ZFYVE26: variants seen among roughly 807,000 people sequenced by gnomAD.
The protein encoded by ZFYVE26 is zinc finger FYVE-type containing 26, also known as zinc finger FYVE domain-containing protein 26.
In ZFYVE26, 181 loss-of-function variants were observed where a neutral mutation model predicts 276.5. That is an observed-to-expected ratio of 0.65 (90% CI 0.58 to 0.74). ZFYVE26 has a LOEUF of 0.74. ZFYVE26 is among the 30% of genes least tolerant of loss of function. The probability of loss-of-function intolerance (pLI) is 0.00; values close to 1 mark genes in which losing one functional copy is unlikely to be tolerated. For missense variants in ZFYVE26, 2,821 were observed against 3,097.9 expected (o/e 0.91, Z 2.12); for synonymous variants, 1,129 against 1,203.1 (o/e 0.94, Z 1.27).
At chr14:67,810,188 G>C (rs1003423658) in intron 3 of ZFYVE26, among the ~76,000 whole-genome samples, 5 of 152,192 alleles carry the variant, frequency 3.3e-5, no homozygotes, top group African/African-American at 9.7e-5. Flanking sequence ...TCCAAGGTTT[G>C]TTCATTTCAT....
At chr14:67,790,974 A>C (rs1316601370) in intron 14 of ZFYVE26, among the ~76,000 whole-genome samples, 1 of 152,264 alleles carries the variant, frequency 6.6e-6, no homozygotes, top group Admixed American at 6.5e-5. Context: ...CCAAAGCCTC[A>C]GTAGAAAATA....
At chr14:67,788,840 G>A (rs376159427) in intron 16 of ZFYVE26, among the ~76,000 whole-genome samples, 18 of 152,280 alleles carry the variant, frequency 1.2e-4, no homozygotes, top group African/African-American at 4.3e-4. Flanking sequence ...GACAGGTGTG[G>A]GGAGTAGAAC....
intron 16 of ZFYVE26, among the ~76,000 whole-genome samples, chr14:67,788,222 C>T (rs1338299391): frequency 6.6e-6 from 1 of 152,134 alleles, no homozygotes; most frequent in Non-Finnish European, 1.5e-5. Context: ...AACCCAGTCT[C>T]TATTAAATAT....
At chr14:67,802,443 T>G (rs758317282) in intron 9 of ZFYVE26, among the ~76,000 whole-genome samples, 161 bp from the exon 10 acceptor site, 43 of 152,228 alleles carry the variant, frequency 2.8e-4, no homozygotes, top group Non-Finnish European at 5.7e-4. Context: ...CTAGGGCTTT[T>G]CCTCAAGTCA....
At position 67,748,083 on chromosome 14, in the gene ZFYVE26, C is replaced by G; in HGVS notation, c.*353G>C. ...AGAGTGGCAAGTCTAAAGTAAAGTG[C>G]CTCTTTTAAATGGAGAAGAGTTTCA... On this transcript the variant is annotated 3_prime_UTR_variant, in exon 42 of 42. Coordinates refer to ENST00000347230, the MANE Select transcript of ZFYVE26 (RefSeq NM_015346.4). 1 of 293,022 alleles carries G rather than the reference C, an allele frequency of 3.4e-6. No homozygotes were observed. The highest frequency in any genetic ancestry group is 6.5e-6 in the Non-Finnish European group (1 of 153,550). 18.2% of individuals were successfully genotyped at this position (293,022 alleles called of 1,614,324 possible).
In ZFYVE26 at chr14:67,806,560, G is replaced by C. The variant is rs762450935; in HGVS notation, c.1002C>G (p.Phe334Leu). 14 of 1,614,190 alleles carry C rather than the reference G, an allele frequency of 8.7e-6. No homozygotes were observed. Residue 334 changes from phenylalanine to leucine, a missense_variant, in exon 6 of 42, where the codon TTC becomes TTG. Physicochemically the swap from Phe to Leu is conservative, Grantham distance 22 (BLOSUM62 0). Coordinates refer to ENST00000347230, the MANE Select transcript of ZFYVE26 (RefSeq NM_015346.4). ...CTTGACTTACCAGAATCTGCTCGAG[G>C]AAGTGTTTGTTGTTGCTCAGGCAGT... Reference protein sequence around the residue: ...YFYCLSNNKHFLEQILVTALT... With the variant: ...YFYCLSNNKHLLEQILVTALT...
chr14:67,790,255 A>G (rs2039775481), intron 15 of ZFYVE26, among the ~76,000 whole-genome samples: 1 of 152,258 alleles, frequency 6.6e-6, no homozygotes, highest in Non-Finnish European at 1.5e-5. Context: ...GGAAGGAAAT[A>G]AACTCCTAAC....
chr14:67,742,838 C>CTTTTTTTTTTTTTTTTTTTTTTTTTTT (rs71446342), downstream of ZFYVE26, among the ~76,000 whole-genome samples: 9 of 89,754 alleles, frequency 1.0e-4, no homozygotes, highest in East Asian at 3.1e-4. Flanking sequence ...TCTTCTTCTT[C>CTTTTTTTTTTTTTTTTTTTTTTTTTTT]TTTTTTTTTT....
chr14:67,780,131 A>C (rs1594909832), intron 23 of ZFYVE26, 110 bp downstream of exon 23: 1 of 1,087,150 alleles, frequency 9.2e-7, no homozygotes, highest in East Asian at 2.6e-5. Context: ...TGGTATAGTT[A>C]TTTTTTTAAA....
downstream of ZFYVE26, among the ~76,000 whole-genome samples, chr14:67,742,148 A>T (rs115810829): frequency 3.3e-5 from 5 of 152,218 alleles, no homozygotes. Context: ...AACCAGACAC[A>T]AAAGGACAAA....
At chr14:67,794,646 T>C (rs2039907375) in intron 12 of ZFYVE26, among the ~76,000 whole-genome samples, 1 of 152,188 alleles carries the variant, frequency 6.6e-6, no homozygotes, top group South Asian at 2.1e-4. Context: ...TCTTCATACT[T>C]GAAAAGGCAG....
chr14:67,789,297 T>C (rs768269385), intron 16 of ZFYVE26, 38 bp downstream of exon 16: 1 of 1,612,998 alleles, frequency 6.2e-7, no homozygotes, highest in South Asian at 1.1e-5. Flanking sequence ...CCCATCTCAT[T>C]TGAGAATGAA....
intron 32 of ZFYVE26, among the ~76,000 whole-genome samples, chr14:67,765,557 G>T (rs2039034260): frequency 6.6e-6 from 1 of 152,168 alleles, no homozygotes; most frequent in Non-Finnish European, 1.5e-5. Context: ...CCCAAATCTG[G>T]TTAGGACTGA....
At chr14:67,793,345 G>A (rs2039869698) in intron 14 of ZFYVE26, among the ~76,000 whole-genome samples, 1 of 152,192 alleles carries the variant, frequency 6.6e-6, no homozygotes, top group Non-Finnish European at 1.5e-5. Context: ...AAGTTTCCAT[G>A]CTTTTAAGTG....
chr14:67,749,319 T>C (rs2038573688), intron 41 of ZFYVE26, among the ~76,000 whole-genome samples: 1 of 152,130 alleles, frequency 6.6e-6, no homozygotes, highest in Non-Finnish European at 1.5e-5. Context: ...CGAATTAACG[T>C]CTAACCCCAC....
intron 4 of ZFYVE26, 133 bp from the exon 5 acceptor site, chr14:67,808,053 C>T: frequency 9.2e-7 from 1 of 1,089,118 alleles, no homozygotes; most frequent in Non-Finnish European, 1.3e-6. Flanking sequence ...GTCGTAGTTA[C>T]TATGTGTTAG....
At chr14:67,765,839 G>A (rs1214209401) in intron 32 of ZFYVE26, among the ~76,000 whole-genome samples, 1 of 152,168 alleles carries the variant, frequency 6.6e-6, no homozygotes, top group Non-Finnish European at 1.5e-5. Context: ...GTAGAGTTTT[G>A]TTCAAGGCTA....
rs1032626502 is a variant in ZFYVE26, at chr14:67,802,238, T to C, written c.1480A>G (p.Asn494Asp). 1 of 1,614,216 alleles carries C rather than the reference T, an allele frequency of 6.2e-7. No homozygotes were observed. Among genetic ancestry groups the C allele is most frequent in the Admixed American group, 1.7e-5 (1 of 60,032 alleles). Residue 494 changes from asparagine to aspartate, a missense_variant, in exon 10 of 42, where the codon AAC becomes GAC. By Grantham distance (23) the Asn-to-Asp change is conservative (BLOSUM62 1). Transcript: ENST00000347230. The part of the protein sequence containing the change: ...PVPEHLSQCQ[N>D]LTLYQGFCAM... Reference sequence around the variant, plus strand: ...CAGAAGCCCTGGTAGAGTGTCAGGTTCTGACACTGGCTCAGGTGCTCAGGG... The same window carrying C: ...CAGAAGCCCTGGTAGAGTGTCAGGTCCTGACACTGGCTCAGGTGCTCAGGG...
intron 37 of ZFYVE26, 34 bp downstream of exon 37, chr14:67,755,017 C>T: frequency 6.2e-7 from 1 of 1,611,024 alleles, no homozygotes; most frequent in African/African-American, 1.3e-5. Flanking sequence ...ACCCTTTCTG[C>T]CCCACACCAA....
Sources: allele counts gnomAD v4.1 joint callset (sites outside exome capture counted in the v4.1 genomes callset), GRCh38; gene constraint gnomAD v4.1.1; transcripts MANE v1.5; gene names NCBI Gene and HGNC (gene_info 2026-07-23, HGNC 2026-07-21).